Variants in MMP20 observed in about 807,000 individuals in gnomAD.
MMP20 encodes the protein matrix metalloproteinase-20.
MMP20 carries 50 observed loss-of-function variants against 51.8 expected under a neutral mutation model. That is an observed-to-expected ratio of 0.97 (90% CI 0.77 to 1.22). MMP20 has a LOEUF of 1.22. Ranked by LOEUF, MMP20 falls within the 50% of genes most tolerant of loss-of-function variation. The pLI is 0.00. For synonymous variants in MMP20, 244 were observed against 216.2 expected, an observed-to-expected ratio of 1.13 and a Z score of -1.13; for missense variants, 663 against 601.4, an observed-to-expected ratio of 1.10 and a Z score of -1.07.
At chr11:102,595,288 T>A (rs1859368984) in intron 6 of MMP20, among the ~76,000 whole-genome samples, 1 of 152,186 alleles carries the variant, frequency 6.6e-6, no homozygotes, top group African/African-American at 2.4e-5. Context: ...CAGTTTCTAC[T>A]CCCTTTTCAT....
At position 102,616,979 on chromosome 11, in the gene MMP20, T is replaced by C; in HGVS notation, c.207A>G (p.Ile69Met). The change falls in exon 2 of 10, where the codon ATA (isoleucine) becomes ATG (methionine). Residue 69 changes from isoleucine to methionine, a missense_variant. Transcript: ENST00000260228. ...ACGCTTGTAGCTCCTTAATCTTCCT[T>C]ATCATGGAATTGCTTCCTCTTGCAA... Reference protein sequence around the residue: ...EMVARGSNSMIRKIKELQAFF... With the variant: ...EMVARGSNSMMRKIKELQAFF... 1 of 1,614,204 alleles carries C rather than the reference T, an allele frequency of 6.2e-7. No homozygotes were observed. The highest frequency in any genetic ancestry group is 8.5e-7 in the Non-Finnish European group (1 of 1,180,036).
intron 8 of MMP20, among the ~76,000 whole-genome samples, chr11:102,588,238 T>A (rs1859276205): frequency 6.6e-6 from 1 of 152,126 alleles, no homozygotes; most frequent in Admixed American, 6.5e-5. Flanking sequence ...ATAACTCTAT[T>A]TCTCTCCCCT....
intron 8 of MMP20, among the ~76,000 whole-genome samples, chr11:102,592,696 G>A (rs1336577546): frequency 2.0e-5 from 3 of 150,578 alleles, no homozygotes; most frequent in African/African-American, 2.5e-5. Flanking sequence ...TTTTCTCTTC[G>A]GATGTTTAGA....
At chr11:102,585,230 A>G (rs1239928324) in intron 8 of MMP20, among the ~76,000 whole-genome samples, 2 of 152,174 alleles carry the variant, frequency 1.3e-5, no homozygotes, top group Non-Finnish European at 2.9e-5. Flanking sequence ...ATCCTCATCC[A>G]TGAACATGAG....
At chr11:102,578,157 T>C (rs547447662) in intron 9 of MMP20, among the ~76,000 whole-genome samples, 1 of 150,856 alleles carries the variant, frequency 6.6e-6, no homozygotes, top group Non-Finnish European at 1.5e-5. Flanking sequence ...TTTTTTTTTT[T>C]TTTTGAGACA....
rs146876571 is a variant in MMP20, at chr11:102,606,605, G to T, written c.883C>A (p.Leu295Ile). ...APHHKPSIPD[L>I]CDSSSSFDAV... is the part of the protein sequence containing the mutation. ...TCAAAGGATGAGCTGGAGTCACAGAGGTCAGGGATGGATGGCTTGTGATGG... is the reference window on the plus strand; with the variant it reads ...TCAAAGGATGAGCTGGAGTCACAGATGTCAGGGATGGATGGCTTGTGATGG... The change falls in exon 6 of 10, where the codon CTC becomes ATC. Residue 295 changes from leucine to isoleucine, a missense_variant. By Grantham distance (5) the Leu-to-Ile change is conservative. Coordinates refer to ENST00000260228, the MANE Select transcript of MMP20 (RefSeq NM_004771.4). 217 of 1,614,110 alleles carry T rather than the reference G, an allele frequency of 1.3e-4. No homozygotes were observed. The highest frequency in any genetic ancestry group is 1.6e-4 in the Non-Finnish European group (184 of 1,179,982).
chr11:102,582,539 A>T (rs146301432), intron 8 of MMP20, among the ~76,000 whole-genome samples: 38 of 152,236 alleles, frequency 2.5e-4, no homozygotes, highest in Middle Eastern at 3.4e-3. Context: ...GGGCTTTGTG[A>T]TCTATACTAG....
intron 1 of MMP20, among the ~76,000 whole-genome samples, chr11:102,620,470 T>C (rs1279270974): frequency 4.0e-5 from 6 of 151,832 alleles, no homozygotes; most frequent in African/African-American, 1.4e-4. Context: ...ACCAGAGTTG[T>C]CCCATTTCCC....
At chr11:102,609,434 A>T (rs529630267) in intron 4 of MMP20, among the ~76,000 whole-genome samples, 1 of 152,264 alleles carries the variant, frequency 6.6e-6, no homozygotes, top group South Asian at 2.1e-4. Context: ...TAGACCACAA[A>T]TGCCTTAATA....
chr11:102,576,973 C>G lies in MMP20; in HGVS notation c.*353G>C, dbSNP rs566830767. 4.1e-6 allele frequency: 1 copy of G among 246,868 alleles called. No individual in the cohort carries two copies. The highest frequency in any genetic ancestry group is 8.0e-6 in the Non-Finnish European group (1 of 124,960). The allele number at this position is 246,868 out of a possible 1,614,324, so 15.3% of individuals were successfully genotyped here. On this transcript the variant is annotated 3_prime_UTR_variant, in exon 10 of 10. Coordinates refer to ENST00000260228, the MANE Select transcript of MMP20 (RefSeq NM_004771.4). ...ATGACATTTCCTATGAAAAGAATTA[C>G]AATATATGTCATGGAATCCACCACT...
chr11:102,590,994 A>T lies in MMP20; in HGVS notation c.1247+2445T>A, dbSNP rs1859310552. On this transcript the variant is annotated intron_variant, in intron 8 of 9. Transcript: ENST00000260228. ...GGCTCTAAACTGTCAGACTTTTTACACATATGAGAAAAACAAACCCTCATG... is the reference window on the plus strand; with the variant it reads ...GGCTCTAAACTGTCAGACTTTTTACTCATATGAGAAAAACAAACCCTCATG... Among the ~76,000 whole-genome samples the T allele has an allele frequency of 2.0e-5, 3 of 152,216 alleles. No individual in the cohort carries two copies. In the South Asian group the frequency reaches 6.2e-4, roughly 31 times the overall value.
chr11:102,578,146 A>ATTT (rs35835372), intron 9 of MMP20, among the ~76,000 whole-genome samples: 3 of 146,754 alleles, frequency 2.0e-5, no homozygotes, highest in South Asian at 4.4e-4. Flanking sequence ...CTTGAGACAG[A>ATTT]TTTTTTTTTT....
intron 6 of MMP20, among the ~76,000 whole-genome samples, chr11:102,602,670 A>C (rs1406540989): frequency 6.6e-6 from 1 of 152,196 alleles, no homozygotes; most frequent in Non-Finnish European, 1.5e-5. Flanking sequence ...GGGTCTGCTG[A>C]GGCTAAAAGA....
intron 8 of MMP20, among the ~76,000 whole-genome samples, chr11:102,583,764 T>C (rs1859222229): frequency 6.6e-6 from 1 of 152,306 alleles, no homozygotes; most frequent in Non-Finnish European, 1.5e-5. Flanking sequence ...ACCTTATGCC[T>C]TTTCACTGTA....
At chr11:102,618,170 A>C (rs1380210942) in intron 1 of MMP20, among the ~76,000 whole-genome samples, 1 of 152,144 alleles carries the variant, frequency 6.6e-6, no homozygotes, top group African/African-American at 2.4e-5. Context: ...TGTTTTGAAC[A>C]TGTCTTCCCT....
At chr11:102,606,357 C>T (rs1274619710) in intron 6 of MMP20, among the ~76,000 whole-genome samples, 178 bp downstream of exon 6, 1 of 152,152 alleles carries the variant, frequency 6.6e-6, no homozygotes, top group Non-Finnish European at 1.5e-5. Flanking sequence ...GCACCACAAA[C>T]AGTAGTTTTG....
intron 2 of MMP20, among the ~76,000 whole-genome samples, chr11:102,613,979 A>G (rs983094467): frequency 6.6e-6 from 1 of 152,226 alleles, no homozygotes; most frequent in Non-Finnish European, 1.5e-5. Flanking sequence ...ATAGCACCAG[A>G]GAAGAAGAGA....
intron 3 of MMP20, among the ~76,000 whole-genome samples, chr11:102,610,487 A>AGTGT (rs1156341215): frequency 6.6e-6 from 1 of 152,244 alleles, no homozygotes; most frequent in Non-Finnish European, 1.5e-5. Context: ...GAATTGAACA[A>AGTGT]GTGTGTGCTT....
chr11:102,610,060 A>G (rs376367675), intron 3 of MMP20, 30 bp from the exon 4 acceptor site: 5 of 1,613,352 alleles, frequency 3.1e-6, no homozygotes, highest in Middle Eastern at 1.6e-4. Context: ...GGCCAACAAG[A>G]TTGAGTCCTT....
Sources: gnomAD v4.1 joint callset for allele counts (sites outside exome capture counted in the v4.1 genomes callset) on GRCh38, gnomAD v4.1.1 for gene constraint, MANE v1.5 for transcripts, NCBI Gene and HGNC (gene_info 2026-07-23, HGNC 2026-07-21) for gene names.